RAD23B: variants seen among roughly 807,000 people sequenced by gnomAD.
The protein encoded by RAD23B is lysine-specific demethylase RAD23B.
RAD23B carries 5 observed loss-of-function variants against 49.1 expected under a neutral mutation model. That is an observed-to-expected ratio of 0.10 (90% CI 0.05 to 0.21). RAD23B has a LOEUF of 0.21. Ranked by LOEUF, RAD23B falls within the 10% of genes least tolerant of loss-of-function variation. RAD23B has a pLI of 1.00. For synonymous variants in RAD23B, 184 were observed against 165.4 expected (o/e 1.11, Z -0.86); for missense variants, 356 against 486.7 (o/e 0.73, Z 2.53).
At position 107,324,805 on chromosome 9, in the gene RAD23B, ATTTTTCTCTGTCCT is replaced by A. The variant is rs766485461; in HGVS notation, c.946-27_946-14del. 1 of 1,548,926 alleles carries A rather than the reference ATTTTTCTCTGTCCT, an allele frequency of 6.5e-7. No individual in the cohort carries two copies. The highest frequency in any genetic ancestry group is 2.0e-5 in the Admixed American group (1 of 50,206). On this transcript the variant is annotated splice_polypyrimidine_tract_variant and intron_variant, in intron 8 of 9. Coordinates refer to ENST00000358015, the MANE Select transcript of RAD23B (RefSeq NM_002874.5). ...TGCAGATACTTAATATCAGTGTATT[ATTTTTCTCTGTCCT>A]TCATATCACCACAGCAAATTAGCCA... is the stretch of plus-strand genomic sequence containing the variant.
At chr9:107,326,020 CATTG>C (rs1204134926) in intron 9 of RAD23B, among the ~76,000 whole-genome samples, 5 of 152,172 alleles carry the variant, frequency 3.3e-5, no homozygotes, top group East Asian at 1.9e-4. Context: ...TGCTTTATTA[CATTG>C]ATTGATTTTG....
chr9:107,316,272 A>G (rs1436085013), intron 5 of RAD23B, among the ~76,000 whole-genome samples: 1 of 152,126 alleles, frequency 6.6e-6, no homozygotes, highest in Non-Finnish European at 1.5e-5. Flanking sequence ...CGGCCTCCCA[A>G]GTGCTGGGAT....
chr9:107,292,369 T>G (rs1475807103), intron 1 of RAD23B, among the ~76,000 whole-genome samples: 3 of 152,210 alleles, frequency 2.0e-5, no homozygotes, highest in African/African-American at 7.2e-5. Context: ...GGTCAAAGTG[T>G]GGCAGATTGC....
chr9:107,310,819 C>T (rs1303042957), intron 4 of RAD23B, among the ~76,000 whole-genome samples: 1 of 152,138 alleles, frequency 6.6e-6, no homozygotes. Flanking sequence ...TGACATTGTA[C>T]TGATGAAGAA....
At chr9:107,287,480 C>T (rs932019496) in intron 1 of RAD23B, among the ~76,000 whole-genome samples, 1 of 152,162 alleles carries the variant, frequency 6.6e-6, no homozygotes, top group Non-Finnish European at 1.5e-5. Context: ...ATTGCAAAGA[C>T]ATCAGTTTTA....
intron 7 of RAD23B, among the ~76,000 whole-genome samples, 173 bp from the exon 8 acceptor site, chr9:107,323,717 A>G (rs1475487825): frequency 1.3e-5 from 2 of 152,168 alleles, no homozygotes; most frequent in Admixed American, 6.5e-5. Context: ...TGCCGTATAA[A>G]ACTTGCAAGT....
rs947450712 is a variant in RAD23B at position 107,284,695 on chromosome 9, A to G, written c.66+1000A>G. 14 of 1,109,174 alleles carry G rather than the reference A, an allele frequency of 1.3e-5. No individual in the cohort carries two copies. In the African/African-American group the frequency reaches 1.8e-4, roughly 14 times the overall value. 68.7% of individuals were successfully genotyped at this position (1,109,174 alleles called of 1,614,324 possible). On this transcript the variant is annotated intron_variant, in intron 1 of 9. Transcript: ENST00000358015. ...TCGGAAATACACCGCCAAGATTGTC[A>G]TAATACTAAGTTTAAACCAGCAGCT...
chr9:107,308,503 G>GC (rs1826828854), intron 4 of RAD23B, among the ~76,000 whole-genome samples: 1 of 152,192 alleles, frequency 6.6e-6, no homozygotes. Context: ...ATAGGCATGA[G>GC]CCACCATGCC....
rs140935082 is a variant in RAD23B at position 107,290,371 on chromosome 9, C to T, written c.66+6676C>T. On this transcript the variant is annotated intron_variant, in intron 1 of 9. Coordinates refer to ENST00000358015, the MANE Select transcript of RAD23B (RefSeq NM_002874.5). The stretch of plus-strand genomic sequence containing the variant: ...TTTTCCCATTTCTAGGGTATACAAA[C>T]ATTTTTCCCCATCTTAATGATACAC... Among the ~76,000 whole-genome samples the T allele has an allele frequency of 2.4e-3, 358 of 152,260 alleles. 3 individuals are homozygous for T. Among genetic ancestry groups the T allele is most frequent in the African/African-American group, 8.4e-3 (348 of 41,542 alleles).
At chr9:107,287,062 G>A (rs1168376263) in intron 1 of RAD23B, among the ~76,000 whole-genome samples, 4 of 145,770 alleles carry the variant, frequency 2.7e-5, no homozygotes, top group South Asian at 2.2e-4. Context: ...GCGACAAAGC[G>A]AGACTCCGTC....
In RAD23B at chr9:107,322,137, G is replaced by A; in HGVS notation, c.817+19G>A. 1.3e-6 allele frequency: 2 copies of A among 1,573,594 alleles called. No homozygotes were observed. The highest frequency in any genetic ancestry group is 1.7e-6 in the Non-Finnish European group (2 of 1,158,486). ...TCTGGAGGTAAAGCGGAATCTTCTG[G>A]ATGGGGAGGGAATGGCCCTGAATTT... On this transcript the variant is annotated intron_variant, in intron 7 of 9. Transcript: ENST00000358015.
chr9:107,304,373 C>T (rs886683656), intron 3 of RAD23B, among the ~76,000 whole-genome samples: 5 of 152,108 alleles, frequency 3.3e-5, no homozygotes, highest in Non-Finnish European at 5.9e-5. Context: ...AAATTTTCAC[C>T]TTTGTGAAGC....
intron 6 of RAD23B, among the ~76,000 whole-genome samples, chr9:107,319,258 G>C (rs558734222): frequency 6.7e-6 from 1 of 148,216 alleles, no homozygotes; most frequent in Non-Finnish European, 1.5e-5. Context: ...AGCCTCCTAA[G>C]TAGCTGGGAC....
chr9:107,329,143 A>G (rs562825236), intron 9 of RAD23B, among the ~76,000 whole-genome samples: 2 of 152,182 alleles, frequency 1.3e-5, no homozygotes, highest in Non-Finnish European at 2.9e-5. Context: ...TACTGCAGGT[A>G]CTCTCATCCT....
intron 4 of RAD23B, among the ~76,000 whole-genome samples, chr9:107,309,762 T>C (rs1458099750): frequency 6.6e-6 from 1 of 151,896 alleles, no homozygotes; most frequent in African/African-American, 2.4e-5. Context: ...AAACCCCGTC[T>C]CTACTAAAAA....
Position 107,329,952 on chromosome 9 carries a change from CTT to C in RAD23B, c.*300_*301del, listed in dbSNP as rs796324218. ...TAGGTAACTTTTCCTAGGTTTCACTCTTTTTAGTGTACTAGATCCAGAAACTT... is the reference window on the plus strand; with the variant it reads ...TAGGTAACTTTTCCTAGGTTTCACTCTTTAGTGTACTAGATCCAGAAACTT... On this transcript the variant is annotated 3_prime_UTR_variant, in exon 10 of 10. Transcript: ENST00000358015. The C allele has an allele frequency of 0.014, 2,624 of 189,000 alleles. 34 individuals are homozygous for C. Among genetic ancestry groups the C allele is most frequent in the Middle Eastern group, 0.02 (10 of 492 alleles). The allele number at this position is 189,000 out of a possible 1,614,324, so 11.7% of individuals were successfully genotyped here. A position where few individuals can be genotyped will look rare whatever the true frequency, so the allele number is the denominator to read the frequency against.
intron 5 of RAD23B, among the ~76,000 whole-genome samples, chr9:107,317,812 A>G (rs893810060): frequency 6.6e-6 from 1 of 152,076 alleles, no homozygotes; most frequent in African/African-American, 2.4e-5. Flanking sequence ...AGGAGGGAGC[A>G]TAGGAGTCTG....
chr9:107,294,608 G>A (rs1014480169), intron 1 of RAD23B, among the ~76,000 whole-genome samples: 1 of 152,202 alleles, frequency 6.6e-6, no homozygotes, highest in Non-Finnish European at 1.5e-5. Context: ...CTGTTTTGAA[G>A]TATGCTCAAT....
chr9:107,312,386 G>T (rs532361643), intron 5 of RAD23B, among the ~76,000 whole-genome samples: 1 of 152,264 alleles, frequency 6.6e-6, no homozygotes, highest in Admixed American at 6.5e-5. Context: ...GCGAGGAATA[G>T]GTAGAAACAG....
Sources: gnomAD v4.1 joint callset for allele counts (sites outside exome capture counted in the v4.1 genomes callset) on GRCh38, gnomAD v4.1.1 for gene constraint, MANE v1.5 for transcripts, NCBI Gene and HGNC (gene_info 2026-07-23, HGNC 2026-07-21) for gene names.